The following MVB12B variants were observed in gnomAD, a reference collection of about 807,000 sequenced individuals.
MVB12B encodes ESCRT-I complex subunit MVB12B.
Under a neutral mutation model 41.6 loss-of-function variants are expected in MVB12B, and 16 were observed. The observed-to-expected ratio is 0.38, with a 90% CI of 0.26 to 0.58. MVB12B has a LOEUF of 0.58. Among genes scored for constraint, MVB12B ranks in the 20% least tolerant of loss-of-function variants. MVB12B has a pLI of 0.62. For synonymous variants in MVB12B, 133 were observed against 139.7 expected, an observed-to-expected ratio of 0.95 and a Z score of 0.34; for missense variants, 274 against 380.2, an observed-to-expected ratio of 0.72 and a Z score of 2.32.
intron 7 of MVB12B, among the ~76,000 whole-genome samples, chr9:126,451,176 T>A (rs971836671): frequency 1.3e-5 from 2 of 152,132 alleles, no homozygotes; most frequent in Non-Finnish European, 2.9e-5. Flanking sequence ...ACCACTGCCA[T>A]AGGGAGTCAG....
Position 126,421,883 on chromosome 9 carries a change from T to A in MVB12B, c.692T>A (p.Phe231Tyr). ...RHISLTLPATFRGRNSTRTDY... is the reference protein window; with the variant it reads ...RHISLTLPATYRGRNSTRTDY... ...ATCTCCCTAACACTTCCTGCCACCT[T>A]CCGAGGCAGGAACAGCACCCGGACG... is the stretch of plus-strand genomic sequence containing the variant. Residue 231 changes from phenylalanine to tyrosine, a missense_variant, in exon 7 of 10, where the codon TTC becomes TAC. Phe to Tyr is a conservative substitution (Grantham distance 22). Transcript: ENST00000361171. 6.2e-7 allele frequency: 1 copy of A among 1,613,926 alleles called. No homozygotes were observed.
Position 126,395,455 on chromosome 9 carries a change from C to T in MVB12B, c.540-120C>T, listed in dbSNP as rs759959327. On this transcript the variant is annotated intron_variant, in intron 5 of 9. Transcript: ENST00000361171. The surrounding 1 kb of genome is among the most constrained non-coding windows in gnomAD (Gnocchi z 4.9). ...GGTGGAACCCATTTCACGTGGAGGG[C>T]AAGAATTGATTCCCTGGTGTTTGAG... The T allele has an allele frequency of 2.4e-6, 3 of 1,224,990 alleles. No individual in the cohort carries two copies. The highest frequency in any genetic ancestry group is 2.3e-6 in the Non-Finnish European group (2 of 860,384). The allele number at this position is 1,224,990 out of a possible 1,614,324, so 75.9% of individuals were successfully genotyped here. A position where few individuals can be genotyped will look rare whatever the true frequency, so the allele number is the denominator to read the frequency against.
chr9:126,479,619 T>C (rs1833483872), intron 7 of MVB12B, among the ~76,000 whole-genome samples: 1 of 152,224 alleles, frequency 6.6e-6, no homozygotes, highest in Non-Finnish European at 1.5e-5. Context: ...TTGTCCCATC[T>C]CTTCCGTCAG....
At chr9:126,476,051 A>AGGAGCACAGGGGCCGAGGGGT (rs1833411915) in intron 7 of MVB12B, among the ~76,000 whole-genome samples, 1 of 149,490 alleles carries the variant, frequency 6.7e-6, no homozygotes, top group Non-Finnish European at 1.5e-5. Flanking sequence ...TGGTCCAGTC[A>AGGAGCACAGGGGCCGAGGGGT]GGAGCACATG....
chr9:126,338,023 C>T (rs1450926593), intron 1 of MVB12B, among the ~76,000 whole-genome samples: 1 of 152,256 alleles, frequency 6.6e-6, no homozygotes, highest in Non-Finnish European at 1.5e-5. Flanking sequence ...GGGCAAGCGG[C>T]TTTGAGTGAT....
At chr9:126,357,426 A>G (rs548516596) in intron 2 of MVB12B, among the ~76,000 whole-genome samples, 55 of 152,356 alleles carry the variant, frequency 3.6e-4, no homozygotes, top group Admixed American at 2.2e-3. Flanking sequence ...AGAAACTGCC[A>G]AATTATTTTC....
At chr9:126,419,467 T>C (rs746765153) in intron 6 of MVB12B, among the ~76,000 whole-genome samples, 1 of 152,196 alleles carries the variant, frequency 6.6e-6, no homozygotes, top group Non-Finnish European at 1.5e-5. Flanking sequence ...GCGCATATTG[T>C]GTAGCTGCTC....
chr9:126,333,214 G>A lies in MVB12B; in HGVS notation c.81+6204G>A, dbSNP rs750875576. 8.5e-5 allele frequency among the ~76,000 whole-genome samples: 13 copies of A among 152,090 alleles called. No individual in the cohort carries two copies. The highest frequency in any genetic ancestry group is 1.3e-4 in the Non-Finnish European group (9 of 68,024). ...TGATTCTTCTGCCTCAGCCTCCCGA[G>A]TAGGTGGGACTACAGGTGCGTGCCA... On this transcript the variant is annotated intron_variant, in intron 1 of 9. Transcript: ENST00000361171. The surrounding 1 kb of genome is among the most constrained non-coding windows in gnomAD (Gnocchi z 4.7).
At chr9:126,343,369 G>A (rs769304049) in intron 2 of MVB12B, among the ~76,000 whole-genome samples, 31 of 152,194 alleles carry the variant, frequency 2.0e-4, no homozygotes, top group Admixed American at 3.9e-4. Context: ...TGTCATAGAT[G>A]ACTAGTGTTT....
intron 6 of MVB12B, among the ~76,000 whole-genome samples, chr9:126,408,807 A>G (rs1468843166): frequency 6.6e-6 from 1 of 152,186 alleles, no homozygotes; most frequent in African/African-American, 2.4e-5. Context: ...GTCTTTTCAG[A>G]TAGCAAAGGC....
chr9:126,353,888 G>T (rs1320019024), intron 2 of MVB12B, among the ~76,000 whole-genome samples: 7 of 152,046 alleles, frequency 4.6e-5, no homozygotes, highest in Non-Finnish European at 8.8e-5. Flanking sequence ...CAAAGGATGT[G>T]TACATTTTAA....
At chr9:126,501,033 C>T (rs990042944) in intron 9 of MVB12B, among the ~76,000 whole-genome samples, 4 of 152,210 alleles carry the variant, frequency 2.6e-5, no homozygotes, top group Non-Finnish European at 5.9e-5. Flanking sequence ...TGCCGCTGTT[C>T]CCTGCCGTGC....
chr9:126,364,500 G>T (rs1480547771), intron 2 of MVB12B, among the ~76,000 whole-genome samples: 1 of 152,186 alleles, frequency 6.6e-6, no homozygotes, highest in African/African-American at 2.4e-5. Context: ...CAGCACCATG[G>T]GTAGGAGTGT....
intron 6 of MVB12B, among the ~76,000 whole-genome samples, chr9:126,421,099 A>C (rs1364170125): frequency 1.3e-5 from 2 of 151,794 alleles, no homozygotes; most frequent in African/African-American, 4.8e-5. Flanking sequence ...TATTCGCTTA[A>C]TTTTTCTTTT....
chr9:126,358,251 T>C (rs1422405306), intron 2 of MVB12B, among the ~76,000 whole-genome samples: 1 of 152,196 alleles, frequency 6.6e-6, no homozygotes, highest in East Asian at 1.9e-4. Context: ...GGTAGTCTTT[T>C]AACTTTATTC....
chr9:126,483,233 C>T (rs1451764193), intron 8 of MVB12B, among the ~76,000 whole-genome samples: 1 of 152,220 alleles, frequency 6.6e-6, no homozygotes, highest in African/African-American at 2.4e-5. Flanking sequence ...ACGCCCTCTG[C>T]CCTCCGAGCC....
chr9:126,396,886 C>G, intron 6 of MVB12B: 1 of 985,494 alleles, frequency 1.0e-6, no homozygotes. Flanking sequence ...CTGTTGGGTT[C>G]AAGAGTGTGA....
rs1829415155 is a variant in MVB12B at position 126,340,510 on chromosome 9, C to T, written c.84C>T (p.Asp28=). ...PPPPPPQRGT[D]QSTMPEVKDL... is the part of the protein sequence containing the mutation. ...TTCTTTTTCCTTTGCTGAACCAGGA[C>T]CAGTCCACCATGCCTGAAGTCAAAG... The change falls in exon 2 of 10, where the codon GAC becomes GAT. Residue 28 remains aspartate, a splice_region_variant and synonymous_variant. Coordinates refer to ENST00000361171, the MANE Select transcript of MVB12B (RefSeq NM_033446.3). The surrounding 1 kb of genome is among the most constrained non-coding windows in gnomAD (Gnocchi z 4.0). 6.2e-7 allele frequency: 1 copy of T among 1,613,972 alleles called. No individual in the cohort carries two copies. Among genetic ancestry groups the T allele is most frequent in the Non-Finnish European group, 8.5e-7 (1 of 1,179,916 alleles).
At chr9:126,329,366 G>A (rs1364632789) in intron 1 of MVB12B, among the ~76,000 whole-genome samples, 1 of 152,238 alleles carries the variant, frequency 6.6e-6, no homozygotes, top group Non-Finnish European at 1.5e-5. Context: ...AAATTTAAGT[G>A]TGCGATTCAG....
Sources: allele counts gnomAD v4.1 joint callset (sites outside exome capture counted in the v4.1 genomes callset), GRCh38; gene constraint gnomAD v4.1.1; non-coding constraint Gnocchi (gnomAD v3.1); transcripts MANE v1.5; gene names NCBI Gene and HGNC (gene_info 2026-07-23, HGNC 2026-07-21).